The following GFPT1 variants were observed in gnomAD, a reference collection of about 807,000 sequenced individuals.
The protein encoded by GFPT1 is glutamine--fructose-6-phosphate transaminase 1.
Under a neutral mutation model 92.0 loss-of-function variants are expected in GFPT1, and 40 were observed. The observed-to-expected ratio is 0.43, with a 90% CI of 0.34 to 0.57. The LOEUF (loss-of-function observed/expected upper bound fraction) is 0.57. Among genes scored for constraint, GFPT1 ranks in the 20% least tolerant of loss-of-function variants. The pLI is 0.02. For missense variants in GFPT1, 448 were observed against 869.1 expected (o/e 0.52, Z 6.09); for synonymous variants, 269 against 280.6 (o/e 0.96, Z 0.41).
chr2:69,345,181 G>A (rs1185203751), intron 12 of GFPT1, among the ~76,000 whole-genome samples: 3 of 152,106 alleles, frequency 2.0e-5, no homozygotes, highest in African/African-American at 4.8e-5. Flanking sequence ...ACTTGAACCC[G>A]GGAGGCAGCA....
chr2:69,370,472 C>G lies in GFPT1; in HGVS notation c.116-364G>C, dbSNP rs151288227. 2.9e-3 allele frequency among the ~76,000 whole-genome samples: 449 copies of G among 152,320 alleles called. 3 individuals are homozygous for G. Among genetic ancestry groups the G allele is most frequent in the African/African-American group, 8.5e-3 (354 of 41,576 alleles). On this transcript the variant is annotated intron_variant, in intron 2 of 19. Transcript: ENST00000357308. ...GAAGGTAGCTAAGGAAAGAAGGTCA[C>G]AGAATACATCTCTTAAGAGTCTCCT...
chr2:69,374,264 G>A (rs1250135615), intron 1 of GFPT1, 151 bp from the exon 2 acceptor site: 2 of 501,886 alleles, frequency 4.0e-6, no homozygotes, highest in Admixed American at 6.8e-5. Context: ...TCAAGGGGGA[G>A]TTTCTCATAA....
Position 69,387,166 on chromosome 2 carries a change from G to A in GFPT1, c.-95C>T. ...TCGGTGGGCAATCTGCGGGCTCGGG[G>A]GCCGGGGTGGCGCCGACACGACTCC... On this transcript the variant is annotated 5_prime_UTR_variant, in exon 1 of 20. Transcript: ENST00000357308. The A allele has an allele frequency of 1.4e-6, 2 of 1,381,358 alleles. No individual in the cohort carries two copies. The highest frequency in any genetic ancestry group is 2.7e-5 in the South Asian group (2 of 73,560). 85.6% of individuals were successfully genotyped at this position (1,381,358 alleles called of 1,614,324 possible).
chr2:69,376,250 C>G (rs941971563), intron 1 of GFPT1, among the ~76,000 whole-genome samples: 7 of 152,222 alleles, frequency 4.6e-5, no homozygotes, highest in Non-Finnish European at 1.0e-4. Flanking sequence ...GTGGCTCACG[C>G]CTGTAATCCC....
chr2:69,342,800 T>C (rs548352332), intron 12 of GFPT1, among the ~76,000 whole-genome samples: 2 of 152,296 alleles, frequency 1.3e-5, no homozygotes, highest in Admixed American at 6.5e-5. Context: ...GGGAAAAACA[T>C]TATCTCAGTT....
chr2:69,370,383 T>C (rs1468150979), intron 2 of GFPT1, among the ~76,000 whole-genome samples: 1 of 152,126 alleles, frequency 6.6e-6, no homozygotes, highest in African/African-American at 2.4e-5. Flanking sequence ...TGAATTATAA[T>C]AAAAATACTA....
At chr2:69,356,419 C>A in intron 7 of GFPT1, 77 bp downstream of exon 7, 1 of 969,568 alleles carries the variant, frequency 1.0e-6, no homozygotes, top group Non-Finnish European at 1.7e-6. Flanking sequence ...AATAAAGGGT[C>A]ATGTATAGTC....
At chr2:69,336,526 T>A (rs1211386441) in intron 15 of GFPT1, among the ~76,000 whole-genome samples, 1 of 151,832 alleles carries the variant, frequency 6.6e-6, no homozygotes, top group East Asian at 1.9e-4. Flanking sequence ...CCCAACATCT[T>A]ATTAGATAAT....
intron 2 of GFPT1, among the ~76,000 whole-genome samples, chr2:69,373,708 GA>G (rs1362396714): frequency 1.3e-5 from 2 of 152,002 alleles, no homozygotes; most frequent in Non-Finnish European, 2.9e-5. Context: ...AAAGTTATAG[GA>G]AAGAAAAAAG....
chr2:69,331,070 C>T (rs1670652160), intron 15 of GFPT1, among the ~76,000 whole-genome samples: 1 of 152,172 alleles, frequency 6.6e-6, no homozygotes, highest in African/African-American at 2.4e-5. Flanking sequence ...ACTCACAATC[C>T]TACTGCCAAG....
intron 1 of GFPT1, among the ~76,000 whole-genome samples, chr2:69,383,697 C>T (rs1672062391): frequency 6.6e-6 from 1 of 152,206 alleles, no homozygotes; most frequent in South Asian, 2.1e-4. Context: ...ACTATCTCAG[C>T]TCACTGCAAC....
chr2:69,322,273 T>C lies in GFPT1; in HGVS notation c.*3916A>G, dbSNP rs531364026. The C allele has an allele frequency of 3.1e-4, 47 of 152,328 alleles. No individual in the cohort carries two copies. Among genetic ancestry groups the C allele is most frequent in the African/African-American group, 1.1e-3 (45 of 41,588 alleles). The allele number at this position is 152,328 out of a possible 1,614,324, so 9.4% of individuals were successfully genotyped here. On this transcript the variant is annotated 3_prime_UTR_variant, in exon 20 of 20. Coordinates refer to ENST00000357308, the MANE Select transcript of GFPT1 (RefSeq NM_001244710.2). ...GGCCTTCACAAATTCAATGTGACTA[T>C]GATCCTTTTCAATAATACTTTCAAT...
At position 69,326,906 on chromosome 2, in the gene GFPT1, T is replaced by C. The variant is rs1670544712; in HGVS notation, c.2055+8A>G. 6.2e-7 allele frequency: 1 copy of C among 1,613,922 alleles called. No individual in the cohort carries two copies. The highest frequency in any genetic ancestry group is 8.5e-7 in the Non-Finnish European group (1 of 1,179,856). On this transcript the variant is annotated splice_region_variant and intron_variant, in intron 19 of 19. Coordinates refer to ENST00000357308, the MANE Select transcript of GFPT1 (RefSeq NM_001244710.2). ...ATCCCAAGATTTCTGCAGTGGTAGATGACTTACATCATAGCCTCTCAGCAC... is the reference window on the plus strand; with the variant it reads ...ATCCCAAGATTTCTGCAGTGGTAGACGACTTACATCATAGCCTCTCAGCAC...
At position 69,324,543 on chromosome 2, in the gene GFPT1, A is replaced by T. The variant is rs1012852915; in HGVS notation, c.*1646T>A. ...AAGATCAGGTTTCTAGTCACCATGT[A>T]TGAAAGTCCTTCCAAATTACCTCAA... On this transcript the variant is annotated 3_prime_UTR_variant, in exon 20 of 20. Transcript: ENST00000357308. The T allele has an allele frequency of 1.3e-5, 2 of 152,166 alleles. No homozygotes were observed. The highest frequency in any genetic ancestry group is 4.8e-5 in the African/African-American group (2 of 41,446). The allele number at this position is 152,166 out of a possible 1,614,324, so 9.4% of individuals were successfully genotyped here. A position where few individuals can be genotyped will look rare whatever the true frequency, so the allele number is the denominator to read the frequency against.
intron 2 of GFPT1, 138 bp from the exon 3 acceptor site, chr2:69,370,246 A>G (rs1671712162): frequency 1.5e-6 from 1 of 678,782 alleles, no homozygotes; most frequent in Middle Eastern, 3.4e-4. Flanking sequence ...TTACCTACTG[A>G]AAACCTATTG....
At chr2:69,350,423 T>A (rs940525242) in intron 9 of GFPT1, among the ~76,000 whole-genome samples, 1 of 152,128 alleles carries the variant, frequency 6.6e-6, no homozygotes, top group Non-Finnish European at 1.5e-5. Context: ...TGCTACATTA[T>A]ATGTTTTTTT....
chr2:69,371,348 G>A (rs1363867051), intron 2 of GFPT1: 1 of 151,300 alleles, frequency 6.6e-6, no homozygotes, highest in Admixed American at 6.6e-5. Flanking sequence ...CAAAGTGCTG[G>A]GATTACAGGC....
At chr2:69,376,284 G>T (rs1243347138) in intron 1 of GFPT1, among the ~76,000 whole-genome samples, 1 of 152,208 alleles carries the variant, frequency 6.6e-6, no homozygotes, top group Admixed American at 6.5e-5. Flanking sequence ...TAAGGCAGGC[G>T]CATCACCTGA....
intron 9 of GFPT1, among the ~76,000 whole-genome samples, chr2:69,352,635 A>AAAC (rs1558754403): frequency 2.6e-5 from 4 of 151,374 alleles, no homozygotes; most frequent in East Asian, 1.9e-4. Flanking sequence ...AAAAAAAAAA[A>AAAC]AACAACTACT....
Sources: allele counts gnomAD v4.1 joint callset (sites outside exome capture counted in the v4.1 genomes callset), GRCh38; gene constraint gnomAD v4.1.1; transcripts MANE v1.5; gene names NCBI Gene and HGNC (gene_info 2026-07-23, HGNC 2026-07-21).